ZFP36L1: variants seen among roughly 807,000 people sequenced by gnomAD.
ZFP36L1 encodes the protein ZFP36 like 1 zinc finger CCCH-type, also known as mRNA decay activator protein ZFP36L1.
Under a neutral mutation model 16.7 loss-of-function variants are expected in ZFP36L1, and 4 were observed. The observed-to-expected ratio is 0.24, with a 90% CI of 0.12 to 0.55. ZFP36L1 has a LOEUF of 0.55. Ranked by LOEUF, ZFP36L1 falls within the 20% of genes least tolerant of loss-of-function variation. The probability of loss-of-function intolerance (pLI) is 0.94; values close to 1 mark genes in which losing one functional copy is unlikely to be tolerated. For missense variants in ZFP36L1, 311 were observed against 449.2 expected, an observed-to-expected ratio of 0.69 and a Z score of 2.78; for synonymous variants, 220 against 190.8, an observed-to-expected ratio of 1.15 and a Z score of -1.26.
rs533462200 is a variant in ZFP36L1 at position 68,788,134 on chromosome 14, T to C, written c.*1399A>G. On this transcript the variant is annotated 3_prime_UTR_variant, in exon 2 of 2. Coordinates refer to ENST00000439696, the MANE Select transcript of ZFP36L1 (RefSeq NM_004926.4). ...TGCATTTTTTTAAATTAATTTTTCA[T>C]TTTTTTAAAATAAAATAACCAAAAA... The C allele has an allele frequency of 1.1e-4, 16 of 152,172 alleles. No individual in the cohort carries two copies. The highest frequency in any genetic ancestry group is 3.4e-4 in the African/African-American group (14 of 41,512). The allele number at this position is 152,172 out of a possible 1,614,324, so 9.4% of individuals were successfully genotyped here. A position where few individuals can be genotyped will look rare whatever the true frequency, so the allele number is the denominator to read the frequency against.
In ZFP36L1 at chr14:68,790,006, G is replaced by C. The variant is rs772546250; in HGVS notation, c.544C>G (p.Arg182Gly). 3.7e-6 allele frequency: 6 copies of C among 1,608,456 alleles called. No individual in the cohort carries two copies. The Admixed American group carries it at 1.0e-4, about 27-fold the overall frequency. ...RCHFIHNAEE[R>G]RALAGARDLS... ...TCCCGGGCCCCGGCCAGGGCACGGC[G>C]CTCTTCAGCGTTGTGGATGAAGTGG... Residue 182 changes from arginine to glycine, a missense_variant, in exon 2 of 2, where the codon CGC (arginine) becomes GGC (glycine). Physicochemically the swap from Arg to Gly is moderately radical, Grantham distance 125. Coordinates refer to ENST00000439696, the MANE Select transcript of ZFP36L1 (RefSeq NM_004926.4).
Position 68,790,318 on chromosome 14 carries a change from C to T in ZFP36L1, c.232G>A (p.Ala78Thr), listed in dbSNP as rs769371990. ...LSSLKGEPAP[A>T]LSSRDSRFRD... ...AAGCGGCTGTCTCGCGAGCTCAGAG[C>T]GGGGGCTGGCTCACCCTTGAGGCTG... The change falls in exon 2 of 2, where the codon GCT becomes ACT. Residue 78 changes from alanine (A) to threonine (T), a missense_variant. Transcript: ENST00000439696. The T allele has an allele frequency of 3.1e-6, 5 of 1,610,022 alleles. No homozygotes were observed. The highest frequency in any genetic ancestry group is 2.2e-5 in the East Asian group (1 of 44,822).
At chr14:68,795,067 C>A (rs373216098), upstream of ZFP36L1, among the ~76,000 whole-genome samples, 11 of 152,230 alleles carry the variant, frequency 7.2e-5, no homozygotes, top group Middle Eastern at 3.4e-3. Flanking sequence ...AACTTCCATC[C>A]ACCTTAATTT....
At chr14:68,794,986 T>A (rs1426298349), upstream of ZFP36L1, among the ~76,000 whole-genome samples, 5 of 152,176 alleles carry the variant, frequency 3.3e-5, no homozygotes, top group East Asian at 9.6e-4. Flanking sequence ...CCTCCAGCCG[T>A]CTGTTGCTTC....
Position 68,787,750 on chromosome 14 carries a change from G to T in ZFP36L1, c.*1783C>A, listed in dbSNP as rs1225089030. 6.6e-6 allele frequency: 1 copy of T among 152,170 alleles called. No individual in the cohort carries two copies. Among genetic ancestry groups the T allele is most frequent in the East Asian group, 1.9e-4 (1 of 5,288 alleles). 9.4% of individuals were successfully genotyped at this position (152,170 alleles called of 1,614,324 possible). The stretch of plus-strand genomic sequence containing the variant: ...TTTCTTTTAAATAAATTCACACAAA[G>T]AAAGAGAAATAGAAAGCGACGGTAG... On this transcript the variant is annotated 3_prime_UTR_variant, in exon 2 of 2. Coordinates refer to ENST00000439696, the MANE Select transcript of ZFP36L1 (RefSeq NM_004926.4).
At chr14:68,792,345 C>G (rs562735457) in intron 1 of ZFP36L1, among the ~76,000 whole-genome samples, 2 of 152,324 alleles carry the variant, frequency 1.3e-5, no homozygotes, top group African/African-American at 4.8e-5. Flanking sequence ...CCACTGCAAA[C>G]TTGTTCTGCA....
At chr14:68,790,839 C>A in intron 1 of ZFP36L1, 2 of 593,430 alleles carry the variant, frequency 3.4e-6, no homozygotes, top group Non-Finnish European at 3.0e-6. Context: ...TCTCACACAA[C>A]CCAGACCTCT....
In ZFP36L1 at chr14:68,790,422, G is replaced by T; in HGVS notation, c.128C>A (p.Thr43Asn). 1 of 1,614,004 alleles carries T rather than the reference G, an allele frequency of 6.2e-7. No individual in the cohort carries two copies. Among genetic ancestry groups the T allele is most frequent in the East Asian group, 2.2e-5 (1 of 44,878 alleles). Reference sequence around the variant, plus strand: ...CCGAGGGAAGCCCCCACCAGCAGGGGTGCCCACTGCCTTTCTGTCCAGCAG... The same window carrying T: ...CCGAGGGAAGCCCCCACCAGCAGGGTTGCCCACTGCCTTTCTGTCCAGCAG... ...GCLLDRKAVGTPAGGGFPRRH... is the reference protein window; with the variant it reads ...GCLLDRKAVGNPAGGGFPRRH... Residue 43 changes from threonine to asparagine, a missense_variant, in exon 2 of 2, where the codon ACC becomes AAC. Around this residue, in one of 4 missense-constraint regions of ZFP36L1, gnomAD observed 137 missense variants for 142.6 expected, o/e 0.96. Transcript: ENST00000439696.
chr14:68,794,013 C>A, upstream of ZFP36L1: 2 of 848,124 alleles, frequency 2.4e-6, no homozygotes, highest in Non-Finnish European at 2.8e-6. Flanking sequence ...TTCACGCATC[C>A]AATCTTTAAA....
Position 68,789,712 on chromosome 14 carries a change from G to T in ZFP36L1, c.838C>A (p.Arg280=). 2.5e-6 allele frequency: 4 copies of T among 1,614,090 alleles called. No homozygotes were observed. The highest frequency in any genetic ancestry group is 3.4e-6 in the Non-Finnish European group (4 of 1,179,992). ...GGGSPTTFLF[R]PMSESPHMFD... is the part of the protein sequence containing the mutation. Reference sequence around the variant, plus strand: ...ATGTGAGGGGACTCGGACATGGGCCGGAAGAGGAAGGTGGTCGGGGAGCCA... The same window carrying T: ...ATGTGAGGGGACTCGGACATGGGCCTGAAGAGGAAGGTGGTCGGGGAGCCA... The change falls in exon 2 of 2, where the codon CGG becomes AGG. Residue 280 remains arginine, a synonymous_variant. Transcript: ENST00000439696. The surrounding 1 kb of genome is among the most constrained non-coding windows in gnomAD (Gnocchi z 4.5).
In ZFP36L1 at chr14:68,789,422, A is replaced by G. The variant is rs1401098941; in HGVS notation, c.*111T>C. 1 of 1,520,306 alleles carries G rather than the reference A, an allele frequency of 6.6e-7. No homozygotes were observed. Among genetic ancestry groups the G allele is most frequent in the Non-Finnish European group, 8.9e-7 (1 of 1,119,190 alleles). 94.2% of individuals were successfully genotyped at this position (1,520,306 alleles called of 1,614,324 possible). On this transcript the variant is annotated 3_prime_UTR_variant, in exon 2 of 2. Transcript: ENST00000439696. This position sits in a 1 kb window ranked among gnomAD's most constrained non-coding sequence, Gnocchi z 4.5. ...TGCTGGGGGAAAGGGGTTGAGCTTA[A>G]CCTTGTTAATGTAGGGCCTGTGGGG...
At chr14:68,793,709 A>T (rs974748187), upstream of ZFP36L1, 7 of 985,398 alleles carry the variant, frequency 7.1e-6, no homozygotes, top group African/African-American at 8.7e-5. Flanking sequence ...GGCCGAGGAC[A>T]TTAGAAATTT....
upstream of ZFP36L1, chr14:68,796,040 T>C (rs1895246538): frequency 1.5e-6 from 2 of 1,333,328 alleles, no homozygotes; most frequent in South Asian, 2.3e-5. Context: ...TCCCGCTCCT[T>C]ACCCGCGCAG....
chr14:68,792,812 C>T (rs541032156), intron 1 of ZFP36L1, 70 bp downstream of exon 1: 5 of 1,596,038 alleles, frequency 3.1e-6, no homozygotes, highest in African/African-American at 2.9e-5. Flanking sequence ...AAGACCCAAA[C>T]TTTTGGGGGT....
Position 68,787,967 on chromosome 14 carries a change from A to G in ZFP36L1, c.*1566T>C. 1 of 152,508 alleles carries G rather than the reference A, an allele frequency of 6.6e-6. No individual in the cohort carries two copies. Among genetic ancestry groups the G allele is most frequent in the East Asian group, 1.9e-4 (1 of 5,338 alleles). The allele number at this position is 152,508 out of a possible 1,614,324, so 9.4% of individuals were successfully genotyped here. A position where few individuals can be genotyped will look rare whatever the true frequency, so the allele number is the denominator to read the frequency against. ...TTCCCCTTTTAGAAGCTATACATAA[A>G]AAGTTGTTTTCCTTCTGTACTGTCA... On this transcript the variant is annotated 3_prime_UTR_variant, in exon 2 of 2. Transcript: ENST00000439696.
intron 1 of ZFP36L1, chr14:68,791,097 T>A: frequency 1.4e-6 from 1 of 699,328 alleles, no homozygotes; most frequent in Non-Finnish European, 2.6e-6. Context: ...TGGTCTGAGG[T>A]TGGGGGAGAC....
At chr14:68,792,744 G>A (rs2295751) in intron 1 of ZFP36L1, 138 bp downstream of exon 1, 6 of 1,271,440 alleles carry the variant, frequency 4.7e-6, no homozygotes, top group Non-Finnish European at 6.8e-6. Flanking sequence ...TCAAACTTGG[G>A]AGAAATGCCG....
At chr14:68,794,020 T>C, upstream of ZFP36L1, 1 of 820,274 alleles carries the variant, frequency 1.2e-6, no homozygotes, top group Non-Finnish European at 1.5e-6. Flanking sequence ...ATCCAATCTT[T>C]AAACTTTTTA....
chr14:68,792,685 C>T (rs553618658), intron 1 of ZFP36L1, among the ~76,000 whole-genome samples, 197 bp downstream of exon 1: 16 of 152,266 alleles, frequency 1.1e-4, no homozygotes, highest in Non-Finnish European at 1.3e-4. Context: ...GTAATCCCCG[C>T]CAGCAACTGT....
Sources: gnomAD v4.1 joint callset for allele counts (sites outside exome capture counted in the v4.1 genomes callset) on GRCh38, gnomAD v4.1.1 for gene constraint, gnomAD v4.1.1 regional missense constraint, Gnocchi (gnomAD v3.1) non-coding constraint, MANE v1.5 for transcripts, NCBI Gene and HGNC (gene_info 2026-07-23, HGNC 2026-07-21) for gene names.